PLPP3: variants seen among roughly 807,000 people sequenced by gnomAD.
PLPP3 encodes the protein phospholipid phosphatase 3, also known as PAP2 beta.
Under a neutral mutation model 29.6 loss-of-function variants are expected in PLPP3, and 6 were observed. The observed-to-expected ratio is 0.20, with a 90% CI of 0.11 to 0.40. The LOEUF (loss-of-function observed/expected upper bound fraction) is 0.40, where lower values mean the gene tolerates loss of function less well. PLPP3 is among the 10% of genes least tolerant of loss of function. The pLI is 1.00. For synonymous variants in PLPP3, 152 were observed against 159.7 expected (o/e 0.95, Z 0.36); for missense variants, 308 against 407.7 (o/e 0.76, Z 2.11).
At chr1:56,533,422 T>C (rs1407200277) in intron 2 of PLPP3, among the ~76,000 whole-genome samples, 2 of 152,088 alleles carry the variant, frequency 1.3e-5, no homozygotes, top group Admixed American at 1.3e-4. Context: ...TACTGTGTGG[T>C]GAACACCTGA....
intron 2 of PLPP3, among the ~76,000 whole-genome samples, chr1:56,530,368 C>G (rs1278537399): frequency 6.6e-6 from 1 of 152,172 alleles, no homozygotes; most frequent in African/African-American, 2.4e-5. Flanking sequence ...CTTCAGCCTA[C>G]CCCTTTCCCC....
chr1:56,551,035 C>T (rs563914823), intron 1 of PLPP3, among the ~76,000 whole-genome samples: 2 of 152,202 alleles, frequency 1.3e-5, no homozygotes, highest in Admixed American at 6.5e-5. Flanking sequence ...TCTGGCAAAG[C>T]CCCACTCTCC....
intron 1 of PLPP3, among the ~76,000 whole-genome samples, chr1:56,550,220 C>T (rs1454198719): frequency 6.6e-6 from 1 of 152,136 alleles, no homozygotes; most frequent in Non-Finnish European, 1.5e-5. Flanking sequence ...GCTGCCCCTT[C>T]CCCCACCAGA....
chr1:56,525,755 C>T (rs944657329), intron 2 of PLPP3, among the ~76,000 whole-genome samples: 1 of 152,112 alleles, frequency 6.6e-6, no homozygotes, highest in Non-Finnish European at 1.5e-5. Flanking sequence ...TGATGAGTTA[C>T]ACTTGCCCTT....
intron 1 of PLPP3, among the ~76,000 whole-genome samples, chr1:56,551,508 C>T (rs1481712707): frequency 6.6e-6 from 1 of 152,048 alleles, no homozygotes; most frequent in Non-Finnish European, 1.5e-5. Context: ...AAGCAGCCTG[C>T]CTCGAACAGG....
chr1:56,502,055 G>A (rs1432620020), intron 5 of PLPP3, among the ~76,000 whole-genome samples: 1 of 152,176 alleles, frequency 6.6e-6, no homozygotes, highest in Non-Finnish European at 1.5e-5. Flanking sequence ...CCCTGCTGGG[G>A]TGCTGCCTGC....
At chr1:56,515,545 C>T (rs1645775586) in intron 4 of PLPP3, among the ~76,000 whole-genome samples, 1 of 152,112 alleles carries the variant, frequency 6.6e-6, no homozygotes, top group Non-Finnish European at 1.5e-5. Flanking sequence ...AGAGACCAGT[C>T]ATCAGAATAG....
At chr1:56,561,049 A>G (rs1173631568) in intron 1 of PLPP3, among the ~76,000 whole-genome samples, 3 of 141,686 alleles carry the variant, frequency 2.1e-5, no homozygotes, top group Non-Finnish European at 4.6e-5. Context: ...GGGTTTCACC[A>G]TGTTAGCCAG....
intron 1 of PLPP3, among the ~76,000 whole-genome samples, chr1:56,550,694 C>A (rs1474792569): frequency 6.6e-6 from 1 of 152,144 alleles, no homozygotes; most frequent in Non-Finnish European, 1.5e-5. Context: ...ACAAAGCCCC[C>A]ACTGTTCTCT....
intron 1 of PLPP3, 51 bp from the exon 2 acceptor site, chr1:56,537,163 A>G (rs373930737): frequency 1.3e-6 from 2 of 1,574,030 alleles, no homozygotes; most frequent in Admixed American, 1.8e-5. Flanking sequence ...GAAAAAAAGG[A>G]AGGGGAAAAC....
At chr1:56,540,954 C>T (rs1431867059) in intron 1 of PLPP3, among the ~76,000 whole-genome samples, 2 of 152,174 alleles carry the variant, frequency 1.3e-5, no homozygotes, top group African/African-American at 4.8e-5. Flanking sequence ...TCCCTTATCA[C>T]TTCATTTGGA....
rs10493211 is a variant in PLPP3 at position 56,551,239 on chromosome 1, A to T, written c.140-14127T>A. On this transcript the variant is annotated intron_variant, in intron 1 of 5. Transcript: ENST00000371250. Reference sequence around the variant, plus strand: ...ACCATTTCACAGCCCATGTTAATCAAGCGAACACCAGAGAAATCAAAAATG... The same window carrying T: ...ACCATTTCACAGCCCATGTTAATCATGCGAACACCAGAGAAATCAAAAATG... Among the ~76,000 whole-genome samples the T allele has an allele frequency of 3.4e-5, 5 of 145,666 alleles. No homozygotes were observed. In the South Asian group the frequency reaches 1.1e-3, roughly 32 times the overall value.
At chr1:56,533,245 G>A (rs1033040426) in intron 2 of PLPP3, among the ~76,000 whole-genome samples, 11 of 152,060 alleles carry the variant, frequency 7.2e-5, no homozygotes, top group African/African-American at 2.7e-4. Flanking sequence ...AGTAGAGACA[G>A]GTTTTCACCA....
chr1:56,512,881 C>T (rs1645752851), intron 4 of PLPP3: 1 of 152,060 alleles, frequency 6.6e-6, no homozygotes, highest in Admixed American at 6.5e-5. Flanking sequence ...CAATTGATGA[C>T]AACTTACTTA....
At chr1:56,555,658 G>A (rs572463787) in intron 1 of PLPP3, among the ~76,000 whole-genome samples, 1 of 152,072 alleles carries the variant, frequency 6.6e-6, no homozygotes, top group African/African-American at 2.4e-5. Flanking sequence ...CTTAACAAGG[G>A]CCATCATGCT....
chr1:56,552,550 A>C (rs567767533), intron 1 of PLPP3, among the ~76,000 whole-genome samples: 3 of 152,294 alleles, frequency 2.0e-5, no homozygotes. Context: ...AGGAGTGAGA[A>C]ATACTGAGAT....
intron 1 of PLPP3, among the ~76,000 whole-genome samples, chr1:56,548,138 A>C (rs1646017420): frequency 6.6e-6 from 1 of 152,196 alleles, no homozygotes; most frequent in Non-Finnish European, 1.5e-5. Context: ...GCATTGAGCA[A>C]GACTGGAGCC....
chr1:56,529,719 C>A (rs747980931), intron 2 of PLPP3, among the ~76,000 whole-genome samples: 1 of 152,144 alleles, frequency 6.6e-6, no homozygotes, highest in African/African-American at 2.4e-5. Flanking sequence ...GAAATTTATT[C>A]TCTGATTCTT....
At chr1:56,498,743 C>T (rs1281765978) in intron 5 of PLPP3, among the ~76,000 whole-genome samples, 3 of 152,054 alleles carry the variant, frequency 2.0e-5, no homozygotes, top group Admixed American at 1.3e-4. Flanking sequence ...AAGGGATTCT[C>T]CCGCCTCAGC....
Sources: gnomAD v4.1 joint callset for allele counts (sites outside exome capture counted in the v4.1 genomes callset) on GRCh38, gnomAD v4.1.1 for gene constraint, MANE v1.5 for transcripts, NCBI Gene and HGNC (gene_info 2026-07-23, HGNC 2026-07-21) for gene names.